Variants in NBPF26 observed in about 807,000 individuals in gnomAD.
NBPF26 encodes NBPF family member NBPF26.
A neutral mutation model predicts 119.6 loss-of-function variants in NBPF26; 79 were observed. The observed-to-expected ratio is 0.66, with a 90% CI of 0.55 to 0.80. NBPF26 has a LOEUF of 0.80. Ranked by LOEUF, NBPF26 falls within the 30% of genes least tolerant of loss-of-function variation. NBPF26 has a pLI of 0.00. For missense variants in NBPF26, 800 were observed against 1,198.2 expected (o/e 0.67, Z 4.91); for synonymous variants, 299 against 457.7 (o/e 0.65, Z 4.43).
Position 120,840,371 on chromosome 1 carries a change from A to C in NBPF26, c.4125A>C (p.Glu1375Asp). Reference sequence around the variant, plus strand: ...GCAGGCTCAACAGCATGCTGATGGAAGTGGAAGAGCCTGAAGTCTTGCAGG... The same window carrying C: ...GCAGGCTCAACAGCATGCTGATGGACGTGGAAGAGCCTGAAGTCTTGCAGG... The change falls in exon 30 of 30, where the codon GAA (glutamate) becomes GAC (aspartate). Residue 1375 changes from glutamate (E) to aspartate (D), a missense_variant. Transcript: ENST00000620612. 2.1e-6 allele frequency: 3 copies of C among 1,459,730 alleles called. 1 individual carries two copies. Among genetic ancestry groups the C allele is most frequent in the Non-Finnish European group, 2.8e-6 (3 of 1,085,146 alleles). 90.4% of individuals were successfully genotyped at this position (1,459,730 alleles called of 1,614,324 possible).
In NBPF26 at chr1:120,724,249, T is replaced by A; in HGVS notation, c.72T>A (p.His24Gln). 1.4e-6 allele frequency: 2 copies of A among 1,400,112 alleles called. 1 individual carries two copies. 86.7% of individuals were successfully genotyped at this position (1,400,112 alleles called of 1,614,324 possible). Residue 24 changes from histidine to glutamine, a missense_variant and splice_region_variant, in exon 1 of 30, where the codon CAT becomes CAA. His to Gln is a conservative substitution (Grantham distance 24). Around this residue, in one of 13 missense-constraint regions of NBPF26, gnomAD observed 209 missense variants for 285.2 expected, o/e 0.73. Transcript: ENST00000620612. ...GGCTGTGCTGGGCGGCCCCCGCGCA[T>A]GGTGAGTATCGGGCTGAGGGGCGCT...
In NBPF26 at chr1:120,805,034, T is replaced by A. The variant is rs1651647110; in HGVS notation, c.752-522T>A. ...AAGAAAATATAACCTGTTGGGAAAC[T>A]GTTTCTGCCTTGATGATGTTGTACA... On this transcript the variant is annotated intron_variant, in intron 4 of 29. Coordinates refer to ENST00000620612, the Ensembl canonical transcript of NBPF26. Among the ~76,000 whole-genome samples the A allele has an allele frequency of 1.7e-5, 2 of 120,484 alleles. 1 individual carries two copies. Among genetic ancestry groups the A allele is most frequent in the South Asian group, 5.0e-4 (2 of 4,038 alleles). The allele number at this position is 120,484 out of a possible 152,430, so 79.0% of individuals were successfully genotyped here. A position where few individuals can be genotyped will look rare whatever the true frequency, so the allele number is the denominator to read the frequency against.
Position 120,793,818 on chromosome 1 carries a change from T to C in NBPF26, c.751+322T>C. The stretch of plus-strand genomic sequence containing the variant: ...AAGTCTGGAATGGAAAAGAACACGA[T>C]GAGAATTAGACACTGGAAAATATGT... On this transcript the variant is annotated intron_variant, in intron 4 of 29. Coordinates refer to ENST00000620612, the Ensembl canonical transcript of NBPF26. The C allele has an allele frequency of 2.1e-6, 2 of 933,384 alleles. 1 individual carries two copies. Among genetic ancestry groups the C allele is most frequent in the East Asian group, 5.0e-5 (2 of 39,908 alleles). 57.8% of individuals were successfully genotyped at this position (933,384 alleles called of 1,614,324 possible). A position where few individuals can be genotyped will look rare whatever the true frequency, so the allele number is the denominator to read the frequency against.
In NBPF26 at chr1:120,733,131, A is replaced by T. The variant is rs1331223368; in HGVS notation, c.73+8881A>T. Among the ~76,000 whole-genome samples, 80 of 91,890 alleles carry T rather than the reference A, an allele frequency of 8.7e-4. 10 individuals carry two copies. In the South Asian group the frequency reaches 0.011, roughly 13 times the overall value. 60.3% of individuals were successfully genotyped at this position (91,890 alleles called of 152,430 possible). ...TTTATTTTTATATATATATATATATATGTTTAGTTTATGAACAGATCTACA... is the reference window on the plus strand; with the variant it reads ...TTTATTTTTATATATATATATATATTTGTTTAGTTTATGAACAGATCTACA... On this transcript the variant is annotated intron_variant, in intron 1 of 29. Coordinates refer to ENST00000620612, the Ensembl canonical transcript of NBPF26.
intron 4 of NBPF26, among the ~76,000 whole-genome samples, chr1:120,794,135 A>G (rs1651528127): frequency 8.9e-6 from 1 of 112,972 alleles, no homozygotes; most frequent in Non-Finnish European, 1.7e-5. Flanking sequence ...GATAGATGAT[A>G]TATGAGAGAC....
chr1:120,745,153 A>T (rs1650967041), intron 1 of NBPF26, among the ~76,000 whole-genome samples: 1 of 104,324 alleles, frequency 9.6e-6, no homozygotes, highest in African/African-American at 6.0e-5. Context: ...AACAAAAAAA[A>T]GTGGTATTGG....
rs1651465098 is a variant in NBPF26 at position 120,789,961 on chromosome 1, G to T, written c.416-3200G>T. On this transcript the variant is annotated intron_variant, in intron 3 of 29. Transcript: ENST00000620612. Reference sequence around the variant, plus strand: ...GGTCCCAAATTAAAACTTCTTCCTTGTTGTTAAGAAGGATCTCTTCTTGGT... The same window carrying T: ...GGTCCCAAATTAAAACTTCTTCCTTTTTGTTAAGAAGGATCTCTTCTTGGT... Among the ~76,000 whole-genome samples the T allele has an allele frequency of 2.5e-5, 2 of 81,206 alleles. 1 individual carries two copies. Among genetic ancestry groups the T allele is most frequent in the African/African-American group, 1.9e-4 (2 of 10,458 alleles). The allele number at this position is 81,206 out of a possible 152,430, so 53.3% of individuals were successfully genotyped here.
chr1:120,813,581 G>T (rs1400297358), intron 10 of NBPF26, among the ~76,000 whole-genome samples: 14 of 128,058 alleles, frequency 1.1e-4, no homozygotes, highest in Middle Eastern at 3.7e-3. Flanking sequence ...TGCAAGGCTT[G>T]GGAAAGTGGC....
In NBPF26 at chr1:120,810,186, G is replaced by A. The variant is rs1277626451; in HGVS notation, c.1353-161G>A. Among the ~76,000 whole-genome samples the A allele has an allele frequency of 2.5e-5, 3 of 119,474 alleles. 1 individual carries two copies. Among genetic ancestry groups the A allele is most frequent in the African/African-American group, 1.4e-4 (3 of 20,854 alleles). 78.4% of individuals were successfully genotyped at this position (119,474 alleles called of 152,430 possible). ...GCTCCCATGGCAGCCATGCTCTGTT[G>A]CAGAGAGAAGCGGATTGCCTGTTTC... On this transcript the variant is annotated intron_variant, in intron 8 of 29. Coordinates refer to ENST00000620612, the Ensembl canonical transcript of NBPF26.
At chr1:120,769,711 G>A in intron 2 of NBPF26, among the ~76,000 whole-genome samples, 1 of 116,562 alleles carries the variant, frequency 8.6e-6, no homozygotes, top group Non-Finnish European at 1.7e-5. Context: ...ACTCAAGTCT[G>A]TGGTAGTAGT....
intron 1 of NBPF26, among the ~76,000 whole-genome samples, chr1:120,752,657 G>A (rs1422653969): frequency 1.3e-4 from 5 of 38,642 alleles, no homozygotes; most frequent in East Asian, 6.8e-4. Flanking sequence ...TGCAAGCTCC[G>A]CCTCCCGGGT....
At chr1:120,793,528 G>T (rs1387329343) in intron 4 of NBPF26, 32 bp downstream of exon 4, 1 of 1,131,564 alleles carries the variant, frequency 8.8e-7, no homozygotes, top group Non-Finnish European at 1.2e-6. Flanking sequence ...CAGGATTAGG[G>T]GACAAACCCC....
rs2101490610 is a variant in NBPF26, at chr1:120,805,900, A to T, written c.961+135A>T. On this transcript the variant is annotated intron_variant, in intron 5 of 29. Coordinates refer to ENST00000620612, the Ensembl canonical transcript of NBPF26. The stretch of plus-strand genomic sequence containing the variant: ...TAGGAAAACAGAAATGGGTATTTTA[A>T]CATTTTGTTAAAGTTGGAAGACAGA... 4 of 676,278 alleles carry T rather than the reference A, an allele frequency of 5.9e-6. No homozygotes were observed. In the East Asian group the frequency reaches 8.0e-5, roughly 13 times the overall value. 41.9% of individuals were successfully genotyped at this position (676,278 alleles called of 1,614,324 possible). A position where few individuals can be genotyped will look rare whatever the true frequency, so the allele number is the denominator to read the frequency against.
chr1:120,760,276 C>A, intron 1 of NBPF26, among the ~76,000 whole-genome samples: 1 of 77,976 alleles, frequency 1.3e-5, no homozygotes. Flanking sequence ...CAACCTCCGC[C>A]CCCCAGGTTC....
intron 1 of NBPF26, 134 bp from the exon 2 acceptor site, chr1:120,763,494 A>C: frequency 2.2e-6 from 1 of 453,178 alleles, no homozygotes; most frequent in Non-Finnish European, 3.9e-6. Context: ...GAACATAAAA[A>C]ACTGATTAAA....
rs1378446647 is a variant in NBPF26, at chr1:120,801,321, A to G, written c.752-4235A>G. On this transcript the variant is annotated intron_variant, in intron 4 of 29. Coordinates refer to ENST00000620612, the Ensembl canonical transcript of NBPF26. ...TTGGAGAGTGACTGCCCATAGGTAC[A>G]GGCATGCTTTTTGGCATTATGAAAA... Among the ~76,000 whole-genome samples, 6 of 120,648 alleles carry G rather than the reference A, an allele frequency of 5.0e-5. 1 individual carries two copies. The highest frequency in any genetic ancestry group is 2.5e-4 in the African/African-American group (6 of 24,400). The allele number at this position is 120,648 out of a possible 152,430, so 79.1% of individuals were successfully genotyped here. A position where few individuals can be genotyped will look rare whatever the true frequency, so the allele number is the denominator to read the frequency against.
At chr1:120,807,023 C>T (rs1328564478) in intron 5 of NBPF26, among the ~76,000 whole-genome samples, 4 of 130,066 alleles carry the variant, frequency 3.1e-5, no homozygotes, top group African/African-American at 1.4e-4. Flanking sequence ...AATCTTAATG[C>T]TGCCTCTCAT....
In NBPF26 at chr1:120,817,124, G is replaced by A. The variant is rs1652026652; in HGVS notation, c.2371+297G>A. ...TTCGATTCAATATCTCTTGTCATCTGTGATTAAGTCATCTGTCCCTGAACA... is the reference window on the plus strand; with the variant it reads ...TTCGATTCAATATCTCTTGTCATCTATGATTAAGTCATCTGTCCCTGAACA... On this transcript the variant is annotated intron_variant, in intron 14 of 29. Transcript: ENST00000620612. 1.7e-5 allele frequency among the ~76,000 whole-genome samples: 2 copies of A among 116,360 alleles called. 1 individual carries two copies. Among genetic ancestry groups the A allele is most frequent in the Non-Finnish European group, 3.3e-5 (2 of 60,884 alleles). The allele number at this position is 116,360 out of a possible 152,430, so 76.3% of individuals were successfully genotyped here. A position where few individuals can be genotyped will look rare whatever the true frequency, so the allele number is the denominator to read the frequency against.
rs1189077425 is a variant in NBPF26, at chr1:120,793,572, A to T, written c.751+76A>T. ...GAGGTAGTGGGTGTGGCTCAATTGCATTTTTTAGGAAGCGCAAGGAAAAAG... is the reference window on the plus strand; with the variant it reads ...GAGGTAGTGGGTGTGGCTCAATTGCTTTTTTTAGGAAGCGCAAGGAAAAAG... On this transcript the variant is annotated intron_variant, in intron 4 of 29. Transcript: ENST00000620612. 1.3e-4 allele frequency: 146 copies of T among 1,091,070 alleles called. 40 individuals carry two copies. The African/African-American group carries it at 2.8e-3, about 21-fold the overall frequency. The allele number at this position is 1,091,070 out of a possible 1,614,324, so 67.6% of individuals were successfully genotyped here.
Sources: allele counts gnomAD v4.1 joint callset (sites outside exome capture counted in the v4.1 genomes callset), GRCh38; gene constraint gnomAD v4.1.1; regional missense constraint gnomAD v4.1.1; transcripts MANE v1.5; gene names NCBI Gene and HGNC (gene_info 2026-07-23, HGNC 2026-07-21).